Variants in NUP210L observed in about 807,000 individuals in gnomAD.
The protein encoded by NUP210L is nuclear pore membrane glycoprotein 210-like.
Under a neutral mutation model 208.5 loss-of-function variants are expected in NUP210L, and 74 were observed. That is an observed-to-expected ratio of 0.35 (90% CI 0.29 to 0.43). NUP210L has a LOEUF of 0.43. Among genes scored for constraint, NUP210L ranks in the 20% least tolerant of loss-of-function variants. NUP210L has a pLI of 1.00. For missense variants in NUP210L, 1,843 were observed against 2,289.4 expected (o/e 0.81, Z 3.98); for synonymous variants, 780 against 816.9 (o/e 0.95, Z 0.77).
At chr1:154,041,644 G>T (rs1334132403) in intron 27 of NUP210L, among the ~76,000 whole-genome samples, 1 of 125,464 alleles carries the variant, frequency 8.0e-6, no homozygotes, top group Non-Finnish European at 1.7e-5. Flanking sequence ...GAAAACTAGA[G>T]AAAAAAAAAA....
chr1:154,107,963 C>G (rs1656852679), intron 12 of NUP210L, among the ~76,000 whole-genome samples: 1 of 152,028 alleles, frequency 6.6e-6, no homozygotes, highest in Non-Finnish European at 1.5e-5. Flanking sequence ...AATGGCAAAT[C>G]TAAGAGCTAC....
intron 10 of NUP210L, among the ~76,000 whole-genome samples, chr1:154,121,350 G>A (rs1657606793): frequency 6.6e-6 from 1 of 152,000 alleles, no homozygotes; most frequent in South Asian, 2.1e-4. Flanking sequence ...TAATATCAGG[G>A]AACCCAGAAC....
intron 11 of NUP210L, among the ~76,000 whole-genome samples, chr1:154,118,311 G>GA (rs959510092): frequency 4.0e-4 from 60 of 148,426 alleles, no homozygotes; most frequent in Admixed American, 3.0e-3. Flanking sequence ...CTCTGTCTCA[G>GA]AAAAAAAAAG....
At chr1:154,063,526 A>T (rs1189378104) in intron 17 of NUP210L, among the ~76,000 whole-genome samples, 1 of 152,174 alleles carries the variant, frequency 6.6e-6, no homozygotes, top group Non-Finnish European at 1.5e-5. Context: ...CTCTGAAGAC[A>T]ATATGGTGAC....
chr1:154,125,560 T>C (rs1657852600), intron 10 of NUP210L, among the ~76,000 whole-genome samples: 1 of 147,782 alleles, frequency 6.8e-6, no homozygotes, highest in Non-Finnish European at 1.5e-5. Flanking sequence ...AGGTCCAGGC[T>C]GCAGTGAGCC....
chr1:154,109,099 T>TCAAAAA (rs1338210767), intron 12 of NUP210L, among the ~76,000 whole-genome samples: 3 of 151,200 alleles, frequency 2.0e-5, no homozygotes, highest in Non-Finnish European at 4.4e-5. Flanking sequence ...AAACTCCATC[T>TCAAAAA]CAAAAACAAA....
chr1:154,138,268 A>T (rs904697504), intron 5 of NUP210L, 30 bp from the exon 6 acceptor site: 1 of 1,420,322 alleles, frequency 7.0e-7, no homozygotes, highest in Non-Finnish European at 9.4e-7. Flanking sequence ...AAAAAAAAAA[A>T]CAGTTTCCAT....
At chr1:154,000,303 C>T (rs1414869075) in intron 37 of NUP210L, among the ~76,000 whole-genome samples, 1 of 152,052 alleles carries the variant, frequency 6.6e-6, no homozygotes, top group Non-Finnish European at 1.5e-5. Context: ...AACATCTGTC[C>T]CCCCATATCT....
rs542084789 is a variant in NUP210L, at chr1:154,096,175, C to T, written c.1966-1019G>A. On this transcript the variant is annotated intron_variant, in intron 14 of 39. Coordinates refer to ENST00000368559, the Ensembl canonical transcript of NUP210L. ...TGTTCTCATTGTTCAACTCCCACTA[C>T]AGTGACTAAGTTTTAAAACGAAGTA... Among the ~76,000 whole-genome samples the T allele has an allele frequency of 1.9e-3, 284 of 152,238 alleles. 2 individuals are homozygous for T. The highest frequency in any genetic ancestry group is 6.6e-3 in the African/African-American group (273 of 41,542).
rs1213732819 is a variant in NUP210L at position 154,072,327 on chromosome 1, C to CTTTTTTT, written c.2362-1869_2362-1863dup. 7.5e-4 allele frequency among the ~76,000 whole-genome samples: 60 copies of CTTTTTTT among 80,290 alleles called. 1 individual carries two copies. The highest frequency in any genetic ancestry group is 1.1e-3 in the Non-Finnish European group (44 of 40,770). The allele number at this position is 80,290 out of a possible 152,430, so 52.7% of individuals were successfully genotyped here. A position where few individuals can be genotyped will look rare whatever the true frequency, so the allele number is the denominator to read the frequency against. The stretch of plus-strand genomic sequence containing the variant: ...TTTTTTATTTTAATTATGGCCATTC[C>CTTTTTTT]TTTTTTTTTTTTTTTTTTTTTTTGA... On this transcript the variant is annotated intron_variant, in intron 16 of 39. Transcript: ENST00000368559.
intron 34 of NUP210L, among the ~76,000 whole-genome samples, chr1:154,011,292 C>T (rs1378095464): frequency 6.7e-6 from 1 of 148,848 alleles, no homozygotes; most frequent in East Asian, 2.0e-4. Context: ...GGCACAATCT[C>T]AGCTCACTGC....
At chr1:154,041,529 CCATGTTGG>C (rs1652877098) in intron 27 of NUP210L, among the ~76,000 whole-genome samples, 1 of 151,490 alleles carries the variant, frequency 6.6e-6, no homozygotes, top group African/African-American at 2.4e-5. Flanking sequence ...CGGCGTTTCA[CCATGTTGG>C]CCAGGCTGGT....
At chr1:154,055,397 C>A (rs566347454) in intron 23 of NUP210L, among the ~76,000 whole-genome samples, 1 of 151,870 alleles carries the variant, frequency 6.6e-6, no homozygotes, top group South Asian at 2.1e-4. Flanking sequence ...ATTTCAGGCA[C>A]CTGCCACCAT....
At chr1:154,108,132 G>T (rs560424552) in intron 12 of NUP210L, among the ~76,000 whole-genome samples, 35 of 151,960 alleles carry the variant, frequency 2.3e-4, no homozygotes, top group Non-Finnish European at 4.1e-4. Context: ...AAAAGCAGGG[G>T]AATGAAATTA....
In NUP210L at chr1:154,089,524, AC is replaced by A; in HGVS notation, c.2257del (p.Val753PhefsTer13). On this transcript the variant is annotated frameshift_variant, in exon 16 of 40. Coordinates refer to ENST00000368559, the Ensembl canonical transcript of NUP210L. LOFTEE classifies it high-confidence loss of function. The stretch of plus-strand genomic sequence containing the variant: ...GGCAGGGTGGGCACAAATGAAGCGA[AC>A]CTGCAAAACCTCTACAGCTGGACTA... The A allele has an allele frequency of 6.2e-7, 1 of 1,614,128 alleles. No individual in the cohort carries two copies. The highest frequency in any genetic ancestry group is 8.5e-7 in the Non-Finnish European group (1 of 1,179,980).
intron 12 of NUP210L, among the ~76,000 whole-genome samples, chr1:154,116,056 C>G (rs957005673): frequency 6.6e-6 from 1 of 151,898 alleles, no homozygotes; most frequent in Non-Finnish European, 1.5e-5. Flanking sequence ...GAGATAGAGA[C>G]CAGCCTGGCT....
chr1:154,015,944 A>C (rs897383982), intron 33 of NUP210L, among the ~76,000 whole-genome samples: 1 of 149,402 alleles, frequency 6.7e-6, no homozygotes, highest in South Asian at 2.1e-4. Flanking sequence ...AAATAAATAA[A>C]TAAATAAATA....
chr1:154,076,022 C>T (rs768912794), intron 16 of NUP210L, among the ~76,000 whole-genome samples: 12 of 151,398 alleles, frequency 7.9e-5, no homozygotes, highest in Non-Finnish European at 1.5e-4. Context: ...TTCCTGGACT[C>T]AAAGGATCCG....
chr1:154,150,102 TG>T (rs1659308745), intron 2 of NUP210L, among the ~76,000 whole-genome samples: 1 of 152,116 alleles, frequency 6.6e-6, no homozygotes, highest in Non-Finnish European at 1.5e-5. Flanking sequence ...AGGCCAGGTG[TG>T]GTGGCTCACG....
Sources: allele counts gnomAD v4.1 joint callset (sites outside exome capture counted in the v4.1 genomes callset), GRCh38; gene constraint gnomAD v4.1.1; transcripts MANE v1.5; gene names NCBI Gene and HGNC (gene_info 2026-07-23, HGNC 2026-07-21).